The following CNTN1 variants were observed in gnomAD, a reference collection of about 807,000 sequenced individuals.
CNTN1 encodes contactin-1.
A neutral mutation model predicts 126.4 loss-of-function variants in CNTN1; 38 were observed. The observed-to-expected ratio is 0.30, with a 90% CI of 0.23 to 0.39. CNTN1 has a LOEUF of 0.39. CNTN1 is among the 10% of genes least tolerant of loss of function. The probability of loss-of-function intolerance (pLI) is 1.00; values close to 1 mark genes in which losing one functional copy is unlikely to be tolerated. For missense variants in CNTN1, 1,009 were observed against 1,248.4 expected (o/e 0.81, Z 2.89); for synonymous variants, 413 against 422.6 (o/e 0.98, Z 0.28).
chr12:40,732,139 G>A (rs189885758), intron 1 of CNTN1, among the ~76,000 whole-genome samples: 17 of 152,110 alleles, frequency 1.1e-4, no homozygotes, highest in Middle Eastern at 3.4e-3. Flanking sequence ...TTGCCTCACC[G>A]TATGGAAGGG....
At chr12:40,862,718 TCTC>T (rs1005510168) in intron 1 of CNTN1, among the ~76,000 whole-genome samples, 1 of 152,138 alleles carries the variant, frequency 6.6e-6, no homozygotes, top group Non-Finnish European at 1.5e-5. Context: ...ATGAAAAAAA[TCTC>T]CTTGTTATTT....
intron 12 of CNTN1, 43 bp downstream of exon 12, chr12:40,939,528 A>G (rs923160115): frequency 4.4e-6 from 7 of 1,606,280 alleles, no homozygotes; most frequent in Non-Finnish European, 5.1e-6. Context: ...ATCTGTTTGA[A>G]AAAGTTTATT....
intron 4 of CNTN1, among the ~76,000 whole-genome samples, chr12:40,920,853 A>G (rs574601625): frequency 1.3e-5 from 2 of 152,362 alleles, no homozygotes; most frequent in Non-Finnish European, 2.9e-5. Flanking sequence ...TAGACCAGTG[A>G]ACTTCTTCAA....
At position 40,908,337 on chromosome 12, in the gene CNTN1, T is replaced by A; in HGVS notation, c.-76-20T>A. 1 of 860,398 alleles carries A rather than the reference T, an allele frequency of 1.2e-6. No homozygotes were observed. The highest frequency in any genetic ancestry group is 1.4e-5 in the South Asian group (1 of 69,500). The allele number at this position is 860,398 out of a possible 1,614,324, so 53.3% of individuals were successfully genotyped here. A position where few individuals can be genotyped will look rare whatever the true frequency, so the allele number is the denominator to read the frequency against. On this transcript the variant is annotated intron_variant, in intron 1 of 23. Coordinates refer to ENST00000551295, the MANE Select transcript of CNTN1 (RefSeq NM_001843.4). ...TTCCTTCTAATTCTTTCCTTCTTCT[T>A]CTTTTCTTTCTTGATGCAGGTGTTT...
At chr12:41,004,104 C>G (rs572841892) in intron 17 of CNTN1, among the ~76,000 whole-genome samples, 1 of 152,268 alleles carries the variant, frequency 6.6e-6, no homozygotes, top group South Asian at 2.1e-4. Context: ...CCTCTTAACA[C>G]TGCATTAGCT....
At chr12:41,003,279 C>T (rs1948410769) in intron 17 of CNTN1, among the ~76,000 whole-genome samples, 1 of 152,162 alleles carries the variant, frequency 6.6e-6, no homozygotes, top group South Asian at 2.1e-4. Context: ...AGCCTTGCTT[C>T]CCAGAGATAA....
chr12:41,010,208 C>A (rs1445014129), intron 17 of CNTN1, among the ~76,000 whole-genome samples: 9 of 152,004 alleles, frequency 5.9e-5, no homozygotes, highest in African/African-American at 2.2e-4. Flanking sequence ...TGGTTTGAGC[C>A]ACTGGAGCTC....
At chr12:40,724,762 T>C (rs575417749) in intron 1 of CNTN1, among the ~76,000 whole-genome samples, 1 of 152,332 alleles carries the variant, frequency 6.6e-6, no homozygotes, top group East Asian at 1.9e-4. Flanking sequence ...ATTATGCTGG[T>C]ATCGAAAATA....
intron 15 of CNTN1, among the ~76,000 whole-genome samples, chr12:40,961,998 T>A (rs1390632701): frequency 1.3e-5 from 2 of 152,074 alleles, no homozygotes; most frequent in Admixed American, 1.3e-4. Context: ...GAACTGCAGC[T>A]GCTGAAATTA....
chr12:40,958,835 T>C (rs1592323128), intron 14 of CNTN1, among the ~76,000 whole-genome samples: 1 of 152,086 alleles, frequency 6.6e-6, no homozygotes, highest in South Asian at 2.1e-4. Flanking sequence ...AATGAAATAG[T>C]TTCATCCCTT....
chr12:41,067,826 G>A (rs1351529928), intron 23 of CNTN1, among the ~76,000 whole-genome samples: 1 of 151,778 alleles, frequency 6.6e-6, no homozygotes, highest in Non-Finnish European at 1.5e-5. Context: ...ACGTTTAAAG[G>A]TTTTACTGTG....
chr12:41,011,256 A>T (rs1044361460), intron 17 of CNTN1, among the ~76,000 whole-genome samples: 2 of 152,204 alleles, frequency 1.3e-5, no homozygotes, highest in African/African-American at 2.4e-5. Context: ...TTAGGGAATC[A>T]TTCCCTTTGG....
At chr12:40,997,191 G>A (rs1948239769) in intron 17 of CNTN1, among the ~76,000 whole-genome samples, 1 of 152,162 alleles carries the variant, frequency 6.6e-6, no homozygotes, top group Non-Finnish European at 1.5e-5. Flanking sequence ...GATAACAAAA[G>A]TACCCTTTGA....
intron 1 of CNTN1, among the ~76,000 whole-genome samples, chr12:40,771,571 A>G (rs1939336973): frequency 6.6e-6 from 1 of 151,996 alleles, no homozygotes; most frequent in African/African-American, 2.4e-5. Flanking sequence ...GAAAGTCCTC[A>G]ATTCAGGATT....
chr12:40,791,630 C>T (rs1356625046), intron 1 of CNTN1, among the ~76,000 whole-genome samples: 1 of 152,110 alleles, frequency 6.6e-6, no homozygotes, highest in African/African-American at 2.4e-5. Context: ...TCGTTTACAT[C>T]TATAATCATT....
At chr12:40,775,172 GT>G (rs11346619) in intron 1 of CNTN1, among the ~76,000 whole-genome samples, 109,755 of 151,054 alleles carry the variant, frequency 0.73, 41,206 homozygotes, top group South Asian at 0.85. Flanking sequence ...TAGGAAAGTG[GT>G]TATTTATCTT....
intron 1 of CNTN1, among the ~76,000 whole-genome samples, chr12:40,814,495 C>G (rs1290607347): frequency 6.6e-6 from 1 of 152,174 alleles, no homozygotes; most frequent in Non-Finnish European, 1.5e-5. Flanking sequence ...TGTCAAAGAT[C>G]AGATGGTTGT....
chr12:40,744,300 TA>T (rs1314645325), intron 1 of CNTN1, among the ~76,000 whole-genome samples: 122 of 19,692 alleles, frequency 6.2e-3, no homozygotes, highest in African/African-American at 0.012. Flanking sequence ...TAAATTAAAT[TA>T]AATAAAAAAA....
chr12:40,835,311 C>T (rs565735565), intron 1 of CNTN1, among the ~76,000 whole-genome samples: 125 of 152,162 alleles, frequency 8.2e-4, no homozygotes, highest in African/African-American at 2.7e-3. Flanking sequence ...TGACAGCTGT[C>T]ATTATGGGTT....
Sources: gnomAD v4.1 joint callset for allele counts (sites outside exome capture counted in the v4.1 genomes callset) on GRCh38, gnomAD v4.1.1 for gene constraint, MANE v1.5 for transcripts, NCBI Gene and HGNC (gene_info 2026-07-23, HGNC 2026-07-21) for gene names.